Variants in CDK14 observed in about 807,000 individuals in gnomAD.
CDK14 encodes the protein cyclin-dependent kinase 14.
Under a neutral mutation model 60.7 loss-of-function variants are expected in CDK14, and 34 were observed. The observed-to-expected ratio is 0.56, with a 90% confidence interval of 0.43 to 0.75. The LOEUF is 0.75. Ranked by LOEUF, CDK14 falls within the 30% of genes least tolerant of loss-of-function variation. The probability of loss-of-function intolerance (pLI) is 0.00; values close to 1 mark genes in which losing one functional copy is unlikely to be tolerated. For missense variants in CDK14, 482 were observed against 564.1 expected (o/e 0.85, Z 1.47); for synonymous variants, 197 against 203.7 (o/e 0.97, Z 0.28).
intron 5 of CDK14, among the ~76,000 whole-genome samples, chr7:90,797,478 A>G (rs1788479791): frequency 6.6e-6 from 1 of 151,960 alleles, no homozygotes; most frequent in South Asian, 2.1e-4. Context: ...AAAGGTCAGG[A>G]CTTCAACATG....
intron 4 of CDK14, among the ~76,000 whole-genome samples, chr7:90,756,563 A>G (rs1276127755): frequency 1.3e-5 from 2 of 152,156 alleles, no homozygotes; most frequent in East Asian, 3.8e-4. Context: ...GAGGAAAGCC[A>G]TTGCCTAGTT....
chr7:90,713,475 C>G (rs1802136363), intron 2 of CDK14, among the ~76,000 whole-genome samples: 1 of 151,926 alleles, frequency 6.6e-6, no homozygotes, highest in Non-Finnish European at 1.5e-5. Context: ...AACTGTTTTT[C>G]TGTTATGGCC....
intron 12 of CDK14, among the ~76,000 whole-genome samples, chr7:91,102,159 T>G (rs762462701): frequency 2.6e-5 from 4 of 152,182 alleles, no homozygotes; most frequent in Non-Finnish European, 2.9e-5. Flanking sequence ...CACTGTCAAT[T>G]GAAGGGATCC....
intron 8 of CDK14, among the ~76,000 whole-genome samples, chr7:90,932,500 G>A: frequency 6.6e-6 from 1 of 152,122 alleles, no homozygotes; most frequent in African/African-American, 2.4e-5. Context: ...ATGTTCATTA[G>A]CTAATGATTA....
chr7:90,932,595 G>C (rs1273613502), intron 8 of CDK14, among the ~76,000 whole-genome samples: 2 of 152,188 alleles, frequency 1.3e-5, no homozygotes, highest in African/African-American at 2.4e-5. Context: ...TTTGGACTCT[G>C]TGGAACATAA....
chr7:91,063,703 G>A (rs1562889109), intron 11 of CDK14, among the ~76,000 whole-genome samples: 1 of 152,156 alleles, frequency 6.6e-6, no homozygotes, highest in Non-Finnish European at 1.5e-5. Context: ...ACGTATTTGT[G>A]GATTTTATTC....
chr7:91,085,352 C>T (rs941000), intron 12 of CDK14, among the ~76,000 whole-genome samples: 77,585 of 151,698 alleles, frequency 0.51, 21,044 homozygotes, highest in East Asian at 0.82. Flanking sequence ...CCGCTCAACG[C>T]CTCCTGCATG....
intron 7 of CDK14, among the ~76,000 whole-genome samples, chr7:90,911,121 A>G (rs1792883555): frequency 6.6e-6 from 1 of 152,210 alleles, no homozygotes; most frequent in Admixed American, 6.5e-5. Flanking sequence ...GGATAGTAAC[A>G]TCTACCTGGC....
chr7:91,176,363 A>G (rs1801755432), intron 14 of CDK14, among the ~76,000 whole-genome samples: 1 of 152,238 alleles, frequency 6.6e-6, no homozygotes, highest in South Asian at 2.1e-4. Context: ...AGCAGGAAAG[A>G]TCCAAAATTG....
intron 10 of CDK14, among the ~76,000 whole-genome samples, chr7:91,029,296 A>G (rs1485364316): frequency 6.6e-6 from 1 of 151,750 alleles, no homozygotes; most frequent in Non-Finnish European, 1.5e-5. Context: ...TGGTTTGACT[A>G]TTTCCGTCTT....
intron 8 of CDK14, among the ~76,000 whole-genome samples, chr7:90,931,708 G>T (rs1267908067): frequency 6.6e-6 from 1 of 152,146 alleles, no homozygotes; most frequent in Admixed American, 6.5e-5. Flanking sequence ...TACCATGCTT[G>T]GTTGGTTTAG....
At chr7:90,631,201 A>G (rs1799990272) in intron 2 of CDK14, among the ~76,000 whole-genome samples, 1 of 152,122 alleles carries the variant, frequency 6.6e-6, no homozygotes, top group African/African-American at 2.4e-5. Context: ...ATTATCACTG[A>G]TAAGGTAAGT....
intron 14 of CDK14, among the ~76,000 whole-genome samples, chr7:91,123,773 C>T (rs1488241472): frequency 6.6e-6 from 1 of 152,120 alleles, no homozygotes; most frequent in East Asian, 1.9e-4. Flanking sequence ...GCACCACTAC[C>T]ACCCTAACCG....
intron 5 of CDK14, among the ~76,000 whole-genome samples, chr7:90,791,459 A>G (rs1011105009): frequency 1.3e-5 from 2 of 152,348 alleles, no homozygotes; most frequent in African/African-American, 4.8e-5. Context: ...TATTCTCTTC[A>G]TCCATAACAA....
intron 14 of CDK14, among the ~76,000 whole-genome samples, chr7:91,177,579 A>T (rs1801817321): frequency 6.6e-6 from 1 of 152,154 alleles, no homozygotes. Context: ...TCAGCCCGAA[A>T]TCTCCTTAAG....
At chr7:90,926,246 C>T (rs1793411902) in intron 8 of CDK14, among the ~76,000 whole-genome samples, 1 of 152,128 alleles carries the variant, frequency 6.6e-6, no homozygotes. Context: ...GTCACCTGAT[C>T]ACTGGGATCC....
chr7:90,962,625 ATGAT>A (rs1794634205), intron 9 of CDK14, among the ~76,000 whole-genome samples: 1 of 152,212 alleles, frequency 6.6e-6, no homozygotes, highest in Non-Finnish European at 1.5e-5. Flanking sequence ...AATTAGCTGA[ATGAT>A]AATATGTAAA....
At chr7:90,985,475 G>C (rs802401) in intron 10 of CDK14, among the ~76,000 whole-genome samples, 3 of 152,044 alleles carry the variant, frequency 2.0e-5, no homozygotes, top group Admixed American at 1.3e-4. Flanking sequence ...TTTTATGCCA[G>C]ATATTCAGTA....
At chr7:90,845,494 TTTC>T (rs1028153502) in intron 5 of CDK14, among the ~76,000 whole-genome samples, 2 of 151,464 alleles carry the variant, frequency 1.3e-5, no homozygotes, top group African/African-American at 4.9e-5. Flanking sequence ...TTGTTTTGGT[TTTC>T]TTTTTTTTTT....
Sources: allele counts gnomAD v4.1 joint callset (sites outside exome capture counted in the v4.1 genomes callset), GRCh38; gene constraint gnomAD v4.1.1; transcripts MANE v1.5; gene names NCBI Gene and HGNC (gene_info 2026-07-23, HGNC 2026-07-21).